The following SLC7A10 variants were observed in gnomAD, a reference collection of about 807,000 sequenced individuals.
SLC7A10 encodes asc-type amino acid transporter 1.
A neutral mutation model predicts 52.7 loss-of-function variants in SLC7A10; 30 were observed. The observed-to-expected ratio is 0.57, with a 90% confidence interval of 0.43 to 0.77. The LOEUF is 0.77. Ranked by LOEUF, SLC7A10 falls within the 30% of genes least tolerant of loss-of-function variation. The pLI is 0.00. For synonymous variants in SLC7A10, 318 were observed against 314.9 expected, an observed-to-expected ratio of 1.01 and a Z score of -0.10; for missense variants, 581 against 698.5, an observed-to-expected ratio of 0.83 and a Z score of 1.90.
At chr19:33,216,078 C>T in intron 1 of SLC7A10, 105 bp from the exon 2 acceptor site, 1 of 1,084,704 alleles carries the variant, frequency 9.2e-7, no homozygotes, top group Non-Finnish European at 1.3e-6. Flanking sequence ...GCCCGGGGTG[C>T]TTCCCGGAGG....
At chr19:33,216,209 G>A (rs1409360192) in intron 1 of SLC7A10, among the ~76,000 whole-genome samples, 2 of 152,088 alleles carry the variant, frequency 1.3e-5, no homozygotes, top group African/African-American at 2.4e-5. Context: ...ATGGCACCTC[G>A]TTCAGCTGGC....
chr19:33,210,391 G>T lies in SLC7A10; in HGVS notation c.1263+76C>A. 2.6e-6 allele frequency: 4 copies of T among 1,517,072 alleles called. No individual in the cohort carries two copies. The highest frequency in any genetic ancestry group is 3.5e-6 in the Non-Finnish European group (4 of 1,130,960). 94.0% of individuals were successfully genotyped at this position (1,517,072 alleles called of 1,614,324 possible). A position where few individuals can be genotyped will look rare whatever the true frequency, so the allele number is the denominator to read the frequency against. On this transcript the variant is annotated intron_variant, in intron 9 of 10. Transcript: ENST00000253188. The surrounding 1 kb of genome is among the most constrained non-coding windows in gnomAD (Gnocchi z 5.6). ...AAAGCTGGCACCTCCCATCCCACCT[G>T]CCCCTGGTGCCCACTGTGGATGCAG... is the stretch of plus-strand genomic sequence containing the variant.
rs1215690595 is a variant in SLC7A10, at chr19:33,215,798, G to A, written c.327C>T (p.Tyr109=). The change falls in exon 2 of 11, where the codon TAC becomes TAT. Residue 109 remains tyrosine (Y), a synonymous_variant. Coordinates refer to ENST00000253188, the MANE Select transcript of SLC7A10 (RefSeq NM_019849.3). ...CCAGGCCCCCGAAGATCTCTGTGAC[G>A]TAGGCGTAGTCCCCGCCAGACTTGG... ...AIPKSGGDYA[Y]VTEIFGGLAG... The A allele has an allele frequency of 7.7e-6, 12 of 1,567,700 alleles. No homozygotes were observed. Among genetic ancestry groups the A allele is most frequent in the Non-Finnish European group, 1.0e-5 (12 of 1,156,426 alleles).
At chr19:33,222,464 T>TAAATAAAATAAAATA (rs1162922007) in intron 1 of SLC7A10, among the ~76,000 whole-genome samples, 3 of 106,498 alleles carry the variant, frequency 2.8e-5, no homozygotes, top group Admixed American at 1.8e-4. Flanking sequence ...TAAAATAAAA[T>TAAATAAAATAAAATA]AAATAAAATA....
At chr19:33,218,312 G>A (rs1418107165) in intron 1 of SLC7A10, among the ~76,000 whole-genome samples, 1 of 152,164 alleles carries the variant, frequency 6.6e-6, no homozygotes, top group African/African-American at 2.4e-5. Context: ...GGGGTGGAGA[G>A]GCCACTATTG....
intron 9 of SLC7A10, 96 bp from the exon 10 acceptor site, chr19:33,209,581 G>T: frequency 7.4e-7 from 1 of 1,344,600 alleles, no homozygotes; most frequent in Non-Finnish European, 1.0e-6. Context: ...TCCCTTCCCT[G>T]GGAGCTGAGG....
chr19:33,224,432 G>A (rs1318132865), intron 1 of SLC7A10, among the ~76,000 whole-genome samples: 4 of 152,106 alleles, frequency 2.6e-5, no homozygotes, highest in Non-Finnish European at 5.9e-5. Flanking sequence ...CTGTGTTCAG[G>A]GGCAACTCTG....
At chr19:33,217,178 A>G (rs1039226490) in intron 1 of SLC7A10, among the ~76,000 whole-genome samples, 2 of 151,292 alleles carry the variant, frequency 1.3e-5, no homozygotes, top group African/African-American at 2.4e-5. Flanking sequence ...CACCCGGCTA[A>G]TCAAAAAAAA....
At chr19:33,217,487 C>T (rs539757793) in intron 1 of SLC7A10, among the ~76,000 whole-genome samples, 2 of 150,188 alleles carry the variant, frequency 1.3e-5, no homozygotes, top group South Asian at 4.3e-4. Context: ...GGTAACTTCA[C>T]CAGAGATCTG....
In SLC7A10 at chr19:33,208,956, C is replaced by T. The variant is rs371040404; in HGVS notation, c.1507G>A (p.Glu503Lys). 2.3e-5 allele frequency: 37 copies of T among 1,613,834 alleles called. No homozygotes were observed. Among genetic ancestry groups the T allele is most frequent in the African/African-American group, 2.3e-4 (17 of 75,054 alleles). ...VVYPQDAPEEEENGPCPPSLL... is the reference protein window; with the variant it reads ...VVYPQDAPEEKENGPCPPSLL... Reference sequence around the variant, plus strand: ...GAGGGTGGGCAGGGGCCATTCTCCTCCTCTTCGGGGGCGTCCTGGGGGTAG... The same window carrying T: ...GAGGGTGGGCAGGGGCCATTCTCCTTCTCTTCGGGGGCGTCCTGGGGGTAG... Residue 503 changes from glutamate to lysine, a missense_variant, in exon 11 of 11, where the codon GAG (glutamate) becomes AAG (lysine). By Grantham distance (56) the Glu-to-Lys change is moderately conservative. Transcript: ENST00000253188. The surrounding 1 kb of genome is among the most constrained non-coding windows in gnomAD (Gnocchi z 4.7).
At position 33,225,543 on chromosome 19, in the gene SLC7A10, T is replaced by A. The variant is rs1213743701; in HGVS notation, c.151+10A>T. ...TCCGCCCGGCGCCCGCCCGCCTGGG[T>A]CCCGCTCACCGATGATGATGGTGCA... On this transcript the variant is annotated intron_variant, in intron 1 of 10. Coordinates refer to ENST00000253188, the MANE Select transcript of SLC7A10 (RefSeq NM_019849.3). 4 of 1,595,904 alleles carry A rather than the reference T, an allele frequency of 2.5e-6. No homozygotes were observed. In the African/African-American group the frequency reaches 5.3e-5, roughly 21 times the overall value.
At chr19:33,218,776 C>A (rs1281069816) in intron 1 of SLC7A10, among the ~76,000 whole-genome samples, 1 of 149,410 alleles carries the variant, frequency 6.7e-6, no homozygotes, top group Admixed American at 6.8e-5. Flanking sequence ...CCTCAGCCTC[C>A]CAAAGTGCTG....
chr19:33,208,809 C>T lies in SLC7A10; in HGVS notation c.*82G>A, dbSNP rs953110332. The T allele has an allele frequency of 6.4e-7, 1 of 1,565,566 alleles. No individual in the cohort carries two copies. Among genetic ancestry groups the T allele is most frequent in the African/African-American group, 1.4e-5 (1 of 72,864 alleles). ...TTTTTCTTTTTTTTCCAGAAAAAAACAAAACAAAACTTTTTTGCCAAAACA... is the reference window on the plus strand; with the variant it reads ...TTTTTCTTTTTTTTCCAGAAAAAAATAAAACAAAACTTTTTTGCCAAAACA... On this transcript the variant is annotated 3_prime_UTR_variant, in exon 11 of 11. Coordinates refer to ENST00000253188, the MANE Select transcript of SLC7A10 (RefSeq NM_019849.3). This position sits in a 1 kb window ranked among gnomAD's most constrained non-coding sequence, Gnocchi z 4.7.
chr19:33,215,852 G>T lies in SLC7A10; in HGVS notation c.273C>A (p.Leu91=). The change falls in exon 2 of 11, where the codon CTC becomes CTA. Residue 91 remains leucine (L), a synonymous_variant. Transcript: ENST00000253188. ...LGGGVTALGS[L]CYAELGVAIP... Reference sequence around the variant, plus strand: ...TGGCGACTCCCAGCTCTGCATAGCAGAGGGAGCCCAGAGCCGTCACGCCCC... The same window carrying T: ...TGGCGACTCCCAGCTCTGCATAGCATAGGGAGCCCAGAGCCGTCACGCCCC... 1 of 1,601,866 alleles carries T rather than the reference G, an allele frequency of 6.2e-7. No homozygotes were observed. The highest frequency in any genetic ancestry group is 2.3e-5 in the East Asian group (1 of 44,286).
Position 33,225,619 on chromosome 19 carries a change from C to G in SLC7A10, c.85G>C (p.Gly29Arg). 6.3e-7 allele frequency: 1 copy of G among 1,592,494 alleles called. No homozygotes were observed. The highest frequency in any genetic ancestry group is 8.5e-7 in the Non-Finnish European group (1 of 1,177,914). The change falls in exon 1 of 11, where the codon GGC (glycine) becomes CGC (arginine). Residue 29 changes from glycine (G) to arginine (R), a missense_variant. Coordinates refer to ENST00000253188, the MANE Select transcript of SLC7A10 (RefSeq NM_019849.3). The stretch of plus-strand genomic sequence containing the variant: ...TTGAGCGCCACCCGCTCCGAGGCGC[C>G]GGGGACGGTCCCTGGGACTGGGGAG... Reference protein sequence around the residue: ...SPSPVPGTVPGASERVALKKE... With the variant: ...SPSPVPGTVPRASERVALKKE...
At chr19:33,224,548 G>C (rs1290642530) in intron 1 of SLC7A10, among the ~76,000 whole-genome samples, 1 of 152,048 alleles carries the variant, frequency 6.6e-6, no homozygotes, top group African/African-American at 2.4e-5. Flanking sequence ...TCTGAGGGTG[G>C]GAAGGCAGTG....
At chr19:33,221,554 C>G (rs963871369) in intron 1 of SLC7A10, among the ~76,000 whole-genome samples, 13 of 152,186 alleles carry the variant, frequency 8.5e-5, no homozygotes, top group African/African-American at 3.1e-4. Context: ...TGGGGAACAG[C>G]TAAGCCCCTG....
intron 1 of SLC7A10, among the ~76,000 whole-genome samples, chr19:33,218,494 C>T (rs932445523): frequency 4.6e-5 from 7 of 151,636 alleles, no homozygotes; most frequent in East Asian, 2.0e-4. Flanking sequence ...AATCGCATCA[C>T]GCACTCCGCA....
intron 1 of SLC7A10, chr19:33,220,723 C>T (rs998941646): frequency 6.6e-6 from 1 of 152,182 alleles, no homozygotes; most frequent in Non-Finnish European, 1.5e-5. Flanking sequence ...ACAGACTTTC[C>T]GTGTTCAAAA....
Sources: allele counts gnomAD v4.1 joint callset (sites outside exome capture counted in the v4.1 genomes callset), GRCh38; gene constraint gnomAD v4.1.1; non-coding constraint Gnocchi (gnomAD v3.1); transcripts MANE v1.5; gene names NCBI Gene and HGNC (gene_info 2026-07-23, HGNC 2026-07-21).